The following GPHN variants were observed in gnomAD, a reference collection of about 807,000 sequenced individuals.
GPHN encodes gephyrin.
In GPHN, 17 loss-of-function variants were observed where a neutral mutation model predicts 95.5. That is an observed-to-expected ratio of 0.18 (90% CI 0.12 to 0.27). The LOEUF is 0.27. GPHN is among the 10% of genes least tolerant of loss of function. The pLI is 1.00. For missense variants in GPHN, 660 were observed against 978.1 expected (o/e 0.67, Z 4.34); for synonymous variants, 320 against 322.5 (o/e 0.99, Z 0.08).
chr14:67,709,863 A>G, the GPHN span, among the ~76,000 whole-genome samples: 4 of 152,206 alleles, frequency 2.6e-5, no homozygotes, highest in Non-Finnish European at 5.9e-5. Flanking sequence ...TGGGCCCCCA[A>G]AATCACTAAG....
chr14:66,819,583 G>A (rs2061109773), intron 3 of GPHN, among the ~76,000 whole-genome samples: 1 of 152,008 alleles, frequency 6.6e-6, no homozygotes, highest in African/African-American at 2.4e-5. Flanking sequence ...TTTGAAGTCA[G>A]GTAGTGGGAT....
chr14:66,942,045 C>G (rs1382092727), intron 8 of GPHN, among the ~76,000 whole-genome samples: 1 of 152,146 alleles, frequency 6.6e-6, no homozygotes, highest in Non-Finnish European at 1.5e-5. Flanking sequence ...GAGTTTTGCT[C>G]TTCTCACCCA....
the GPHN span, among the ~76,000 whole-genome samples, chr14:67,452,348 G>A: frequency 3.4e-5 from 5 of 148,710 alleles, no homozygotes; most frequent in African/African-American, 7.5e-5. Flanking sequence ...AAAAAGAAAT[G>A]AGAGTTTCTC....
At chr14:66,661,953 C>T (rs72726462) in intron 1 of GPHN, among the ~76,000 whole-genome samples, 3 of 152,218 alleles carry the variant, frequency 2.0e-5, no homozygotes, top group Admixed American at 6.5e-5. Context: ...CCTTGCAGGG[C>T]GGGACTTCCC....
intron 5 of GPHN, among the ~76,000 whole-genome samples, chr14:66,906,465 T>C (rs768425503): frequency 1.3e-5 from 2 of 152,200 alleles, no homozygotes; most frequent in Non-Finnish European, 2.9e-5. Context: ...ATTTTCTACA[T>C]GCTTCGTGCA....
intron 1 of GPHN, among the ~76,000 whole-genome samples, chr14:66,671,402 C>T (rs917493317): frequency 7.2e-5 from 11 of 152,054 alleles, no homozygotes; most frequent in African/African-American, 1.7e-4. Flanking sequence ...ATCTGCTGCC[C>T]GTTTGTCAGG....
chr14:67,306,061 C>T, the GPHN span, among the ~76,000 whole-genome samples: 1 of 152,144 alleles, frequency 6.6e-6, no homozygotes, highest in African/African-American at 2.4e-5. Context: ...CCTCCGCCTC[C>T]CAGAGTCAAG....
At chr14:67,272,688 T>C in the GPHN span, among the ~76,000 whole-genome samples, 1 of 152,200 alleles carries the variant, frequency 6.6e-6, no homozygotes, top group Non-Finnish European at 1.5e-5. Context: ...AGACAGAGTC[T>C]CGCGCTGTCT....
the GPHN span, among the ~76,000 whole-genome samples, chr14:67,206,785 C>T: frequency 6.6e-6 from 1 of 152,054 alleles, no homozygotes; most frequent in African/African-American, 2.4e-5. Flanking sequence ...GGCTGGAGTG[C>T]AGTGGTGAGA....
chr14:67,552,911 A>G, the GPHN span, among the ~76,000 whole-genome samples: 1 of 152,206 alleles, frequency 6.6e-6, no homozygotes, highest in African/African-American at 2.4e-5. Flanking sequence ...CATTCAATCT[A>G]CTTCAGTAAT....
chr14:67,188,756 G>A, the GPHN span, among the ~76,000 whole-genome samples: 5 of 151,584 alleles, frequency 3.3e-5, no homozygotes, highest in Admixed American at 3.3e-4. Flanking sequence ...ATGCTATACA[G>A]CCCTCGGCTC....
Position 67,157,050 on chromosome 14 carries a change from A to T in GPHN, c.1837-2365A>T, listed in dbSNP as rs1349585704. On this transcript the variant is annotated intron_variant, in intron 18 of 22. Coordinates refer to ENST00000478722, the MANE Select transcript of GPHN (RefSeq NM_020806.5). ...TTAAAAATTGTCATTCTGGATTTTTAAAAAAACAGCTAATCATATGCTGCT... is the reference window on the plus strand; with the variant it reads ...TTAAAAATTGTCATTCTGGATTTTTTAAAAAACAGCTAATCATATGCTGCT... 2.0e-5 allele frequency among the ~76,000 whole-genome samples: 3 copies of T among 152,066 alleles called. No homozygotes were observed. The East Asian group carries it at 5.8e-4, about 29-fold the overall frequency.
intron 1 of GPHN, among the ~76,000 whole-genome samples, chr14:66,674,167 C>T (rs1050204464): frequency 4.0e-5 from 6 of 150,652 alleles, no homozygotes; most frequent in East Asian, 1.9e-4. Flanking sequence ...GGTGCGATCT[C>T]GGCTCACTGC....
the GPHN span, chr14:67,199,231 A>G: frequency 1.1e-5 from 17 of 1,604,104 alleles, no homozygotes; most frequent in Non-Finnish European, 1.4e-5. Flanking sequence ...CAAGGCTATG[A>G]CTTTGTGAAT....
chr14:67,428,781 T>C, the GPHN span, among the ~76,000 whole-genome samples: 1 of 152,198 alleles, frequency 6.6e-6, no homozygotes, highest in Non-Finnish European at 1.5e-5. Flanking sequence ...CCTTTAGTAT[T>C]AGTTATCATC....
At chr14:66,545,581 C>T (rs544745263) in intron 1 of GPHN, among the ~76,000 whole-genome samples, 29,560 of 57,424 alleles carry the variant, frequency 0.51, 3,847 homozygotes, top group Non-Finnish European at 0.57. Context: ...ACCTCCCTCC[C>T]GGACGGGGCG....
chr14:67,368,412 G>A, the GPHN span, among the ~76,000 whole-genome samples: 12 of 152,058 alleles, frequency 7.9e-5, no homozygotes, highest in Admixed American at 6.6e-5. Context: ...CCCACCTGAC[G>A]GAGGGGCAGT....
rs1372075556 is a variant in GPHN at position 67,144,240 on chromosome 14, AAAAAAAAAAAATAT to A, written c.1836+793_1836+806del. On this transcript the variant is annotated intron_variant, in intron 18 of 22. Transcript: ENST00000478722. ...CAACACAGCAAGACCCTGTCTTAAA[AAAAAAAAAAAATAT>A]ATATATATATATATATATATATATA... 2.1e-3 allele frequency among the ~76,000 whole-genome samples: 114 copies of A among 54,522 alleles called. 27 individuals are homozygous for A. Among genetic ancestry groups the A allele is most frequent in the African/African-American group, 0.013 (99 of 7,706 alleles). The allele number at this position is 54,522 out of a possible 152,430, so 35.8% of individuals were successfully genotyped here.
At chr14:67,514,350 C>CT in the GPHN span, among the ~76,000 whole-genome samples, 1 of 152,134 alleles carries the variant, frequency 6.6e-6, no homozygotes, top group African/African-American at 2.4e-5. Context: ...AGGCCAATGT[C>CT]TCCCTGCCCT....
Sources: gnomAD v4.1 joint callset for allele counts (sites outside exome capture counted in the v4.1 genomes callset) on GRCh38, gnomAD v4.1.1 for gene constraint, MANE v1.5 for transcripts, NCBI Gene and HGNC (gene_info 2026-07-23, HGNC 2026-07-21) for gene names.